Variants in ANO4 observed in about 807,000 individuals in gnomAD.
ANO4 encodes anoctamin-4.
ANO4 carries 69 observed loss-of-function variants against 141.9 expected under a neutral mutation model. The observed-to-expected ratio is 0.49, with a 90% confidence interval of 0.40 to 0.59. The LOEUF (loss-of-function observed/expected upper bound fraction) is 0.59. Among genes scored for constraint, ANO4 ranks in the 20% least tolerant of loss-of-function variants. The pLI is 0.00. For missense variants in ANO4, 894 were observed against 1,162.2 expected (o/e 0.77, Z 3.36); for synonymous variants, 350 against 394.3 (o/e 0.89, Z 1.33).
At chr12:101,094,757 AG>A (rs1388843847) in intron 18 of ANO4, among the ~76,000 whole-genome samples, 5 of 152,098 alleles carry the variant, frequency 3.3e-5, no homozygotes, top group Non-Finnish European at 5.9e-5. Flanking sequence ...AAGCTTTGGC[AG>A]GAGGATTCCT....
At chr12:101,039,132 C>T (rs1198045163) in intron 10 of ANO4, 1 of 152,180 alleles carries the variant, frequency 6.6e-6, no homozygotes, top group Non-Finnish European at 1.5e-5. Context: ...CCAGCTTTTA[C>T]ATTCTAGAAT....
chr12:100,913,942 A>G (rs1435574343), intron 2 of ANO4, among the ~76,000 whole-genome samples: 2 of 152,204 alleles, frequency 1.3e-5, no homozygotes, highest in Non-Finnish European at 2.9e-5. Flanking sequence ...AGGGTAAACA[A>G]CATTTAGTGA....
At chr12:101,056,385 A>G (rs999443538) in intron 14 of ANO4, among the ~76,000 whole-genome samples, 4 of 152,206 alleles carry the variant, frequency 2.6e-5, no homozygotes, top group Non-Finnish European at 5.9e-5. Flanking sequence ...TGTAATTTCA[A>G]TTGCCAGTTA....
chr12:100,862,565 G>T (rs534512845), intron 1 of ANO4, among the ~76,000 whole-genome samples: 50 of 152,182 alleles, frequency 3.3e-4, no homozygotes, highest in Non-Finnish European at 4.9e-4. Context: ...CAGGTGATTT[G>T]CCCACCTCAG....
chr12:100,914,041 A>G (rs1199195575), intron 2 of ANO4, among the ~76,000 whole-genome samples: 1 of 152,200 alleles, frequency 6.6e-6, no homozygotes, highest in African/African-American at 2.4e-5. Context: ...TCGTCATCAC[A>G]ACAGACCTCA....
chr12:101,045,707 G>C (rs1031389564), intron 13 of ANO4, among the ~76,000 whole-genome samples: 2 of 152,148 alleles, frequency 1.3e-5, no homozygotes, highest in African/African-American at 2.4e-5. Flanking sequence ...CAGATACTGG[G>C]GTGGCTCACG....
chr12:100,941,236 C>G (rs1266656545), intron 4 of ANO4, among the ~76,000 whole-genome samples: 2 of 151,636 alleles, frequency 1.3e-5, no homozygotes, highest in African/African-American at 4.8e-5. Flanking sequence ...AAGAGAAACA[C>G]TGAACTAGAA....
chr12:101,066,421 C>T (rs1186363825), intron 14 of ANO4, among the ~76,000 whole-genome samples: 1 of 152,152 alleles, frequency 6.6e-6, no homozygotes, highest in Non-Finnish European at 1.5e-5. Flanking sequence ...TTGCAGGATA[C>T]AAAGTCAACA....
chr12:100,776,771 T>TG (rs568279832), intron 3 of ANO4, among the ~76,000 whole-genome samples: 101 of 152,340 alleles, frequency 6.6e-4, no homozygotes, highest in African/African-American at 2.4e-3. Flanking sequence ...AGAGGAAAAG[T>TG]GAATACCTTT....
chr12:101,037,479 T>C (rs996664218), intron 10 of ANO4, among the ~76,000 whole-genome samples: 1 of 152,226 alleles, frequency 6.6e-6, no homozygotes, highest in African/African-American at 2.4e-5. Flanking sequence ...AAGAATGTTC[T>C]TGAAATATAT....
intron 17 of ANO4, among the ~76,000 whole-genome samples, chr12:101,087,471 A>G (rs2049554287): frequency 6.6e-6 from 1 of 152,142 alleles, no homozygotes; most frequent in Non-Finnish European, 1.5e-5. Flanking sequence ...TTCAGTGAGC[A>G]GTGACAGGGC....
At chr12:100,894,555 A>C (rs1433353544) in intron 1 of ANO4, among the ~76,000 whole-genome samples, 1 of 152,074 alleles carries the variant, frequency 6.6e-6, no homozygotes, top group Non-Finnish European at 1.5e-5. Flanking sequence ...TTATGGGAAC[A>C]TACCTAAGCT....
At chr12:100,957,930 A>C (rs1468852824) in intron 5 of ANO4, among the ~76,000 whole-genome samples, 6 of 152,084 alleles carry the variant, frequency 3.9e-5, no homozygotes, top group Non-Finnish European at 8.8e-5. Flanking sequence ...CTGGTCTCAA[A>C]CCCCTGGCTT....
chr12:100,899,699 C>T (rs58673609), intron 1 of ANO4, among the ~76,000 whole-genome samples: 10,791 of 152,234 alleles, frequency 0.071, 491 homozygotes, highest in African/African-American at 0.094. Context: ...TTACCTTTGA[C>T]ATGACCTATG....
chr12:100,856,413 G>A (rs759614194), intron 1 of ANO4, among the ~76,000 whole-genome samples: 1 of 152,084 alleles, frequency 6.6e-6, no homozygotes, highest in Non-Finnish European at 1.5e-5. Flanking sequence ...AGAAAAATTT[G>A]TTTAGCATCT....
At chr12:100,724,922 C>G (rs1318074855) in intron 1 of ANO4, among the ~76,000 whole-genome samples, 1 of 152,166 alleles carries the variant, frequency 6.6e-6, no homozygotes, top group Non-Finnish European at 1.5e-5. Context: ...ACATTTTTTT[C>G]TTACTAGTCG....
chr12:100,778,649 C>G (rs2033613518), intron 3 of ANO4, among the ~76,000 whole-genome samples: 1 of 152,164 alleles, frequency 6.6e-6, no homozygotes, highest in African/African-American at 2.4e-5. Context: ...TGCTTTGGGA[C>G]AGTTAATGTT....
intron 3 of ANO4, among the ~76,000 whole-genome samples, chr12:100,786,724 A>G (rs1255232785): frequency 3.9e-5 from 6 of 152,190 alleles, no homozygotes; most frequent in Admixed American, 3.3e-4. Flanking sequence ...AAAGCCAAGG[A>G]TTTCAGAGGA....
intron 1 of ANO4, among the ~76,000 whole-genome samples, chr12:100,835,459 A>G (rs1488547844): frequency 1.3e-5 from 2 of 152,032 alleles, no homozygotes; most frequent in Non-Finnish European, 2.9e-5. Context: ...TCTTCTCTCT[A>G]CTCGGTACTT....
Sources: allele counts gnomAD v4.1 joint callset (sites outside exome capture counted in the v4.1 genomes callset), GRCh38; gene constraint gnomAD v4.1.1; transcripts MANE v1.5; gene names NCBI Gene and HGNC (gene_info 2026-07-23, HGNC 2026-07-21).